KCNN2: variants seen among roughly 807,000 people sequenced by gnomAD.
KCNN2 encodes potassium calcium-activated channel subfamily N member 2.
Under a neutral mutation model 55.5 loss-of-function variants are expected in KCNN2, and 24 were observed. The observed-to-expected ratio is 0.43, with a 90% CI of 0.31 to 0.61. The LOEUF is 0.61. Among genes scored for constraint, KCNN2 ranks in the 20% least tolerant of loss-of-function variants. KCNN2 has a pLI of 0.08. For missense variants in KCNN2, 754 were observed against 853.6 expected (o/e 0.88, Z 1.45); for synonymous variants, 431 against 336.1 (o/e 1.28, Z -3.09).
intron 2 of KCNN2, among the ~76,000 whole-genome samples, chr5:114,337,821 G>C (rs1756947450): frequency 6.6e-6 from 1 of 152,104 alleles, no homozygotes; most frequent in African/African-American, 2.4e-5. Context: ...AACTAGTTTT[G>C]TCTTTCTGGG....
intron 1 of KCNN2, among the ~76,000 whole-genome samples, chr5:114,073,843 C>G (rs556134961): frequency 6.6e-6 from 1 of 152,328 alleles, no homozygotes; most frequent in South Asian, 2.1e-4. Context: ...TATTGAATAT[C>G]TACCTCAAGT....
chr5:114,241,139 A>G (rs1019586130), intron 2 of KCNN2, among the ~76,000 whole-genome samples: 2 of 152,000 alleles, frequency 1.3e-5, no homozygotes, highest in African/African-American at 4.8e-5. Flanking sequence ...GGAAGTTATG[A>G]AATATAACAA....
chr5:114,491,325 A>G (rs1747841374), intron 6 of KCNN2, among the ~76,000 whole-genome samples: 1 of 152,130 alleles, frequency 6.6e-6, no homozygotes, highest in Admixed American at 6.6e-5. Context: ...ACTTACTTAA[A>G]TTTGAACATG....
intron 1 of KCNN2, among the ~76,000 whole-genome samples, chr5:114,158,263 C>T (rs1286700486): frequency 6.6e-6 from 1 of 152,188 alleles, no homozygotes; most frequent in African/African-American, 2.4e-5. Flanking sequence ...AGTAGGGAAT[C>T]CTTCCCCATT....
chr5:114,325,829 C>G (rs1756704334), intron 2 of KCNN2, among the ~76,000 whole-genome samples: 1 of 152,184 alleles, frequency 6.6e-6, no homozygotes, highest in Non-Finnish European at 1.5e-5. Context: ...GTTCTGTGAA[C>G]TCAAGGGAGG....
chr5:114,353,757 A>T (rs1757252820), intron 2 of KCNN2, among the ~76,000 whole-genome samples: 1 of 151,938 alleles, frequency 6.6e-6, no homozygotes, highest in African/African-American at 2.4e-5. Context: ...CTTTGAATAT[A>T]CCATCCCACT....
chr5:114,407,597 G>T (rs987924233), intron 3 of KCNN2, among the ~76,000 whole-genome samples: 1 of 152,120 alleles, frequency 6.6e-6, no homozygotes, highest in African/African-American at 2.4e-5. Flanking sequence ...TTTGTCAGCT[G>T]CAGGCTTTAT....
At chr5:114,178,568 C>T (rs888812738) in intron 1 of KCNN2, among the ~76,000 whole-genome samples, 1 of 152,184 alleles carries the variant, frequency 6.6e-6, no homozygotes, top group African/African-American at 2.4e-5. Flanking sequence ...TGTTTATTTC[C>T]CTTGCAATAG....
Position 114,362,446 on chromosome 5 carries a change from ACCTCCTCGCCGCTGT to A in KCNN2, c.309_323del (p.Ser104_Ser108del). The A allele has an allele frequency of 2.7e-6, 1 of 374,666 alleles. No individual in the cohort carries two copies. Among genetic ancestry groups the A allele is most frequent in the Non-Finnish European group, 4.8e-6 (1 of 209,314 alleles). 23.2% of individuals were successfully genotyped at this position (374,666 alleles called of 1,614,324 possible). On this transcript the variant is annotated inframe_deletion, in exon 1 of 8. Coordinates refer to ENST00000673685, the MANE Select transcript of KCNN2 (RefSeq NM_021614.4). ...GCCCGGCGGCGCCTTCCGGACCCGC[ACCTCCTCGCCGCTGT>A]CGGGCTCGTCCTGCTGCTGCTGCTG...
At chr5:114,083,894 C>T (rs981535819) in intron 1 of KCNN2, among the ~76,000 whole-genome samples, 1 of 152,102 alleles carries the variant, frequency 6.6e-6, no homozygotes, top group African/African-American at 2.4e-5. Flanking sequence ...TTTACCATCT[C>T]TGTAGTACTG....
At chr5:114,449,317 G>A (rs1429412601) in intron 3 of KCNN2, among the ~76,000 whole-genome samples, 1 of 152,108 alleles carries the variant, frequency 6.6e-6, no homozygotes, top group African/African-American at 2.4e-5. Context: ...AGGGTAGAAG[G>A]GAGCAAAACC....
At chr5:114,162,998 C>A (rs1216328486) in intron 1 of KCNN2, among the ~76,000 whole-genome samples, 1 of 152,142 alleles carries the variant, frequency 6.6e-6, no homozygotes. Context: ...CGGTGCACTG[C>A]ACCCACTGTT....
intron 5 of KCNN2, among the ~76,000 whole-genome samples, chr5:114,477,627 T>G (rs970076974): frequency 2.0e-5 from 3 of 152,198 alleles, no homozygotes; most frequent in African/African-American, 7.2e-5. Flanking sequence ...TTACAGTTTA[T>G]CACCTTACAG....
intron 2 of KCNN2, among the ~76,000 whole-genome samples, chr5:114,355,117 C>A (rs1757274324): frequency 6.6e-6 from 1 of 152,106 alleles, no homozygotes; most frequent in Admixed American, 6.5e-5. Flanking sequence ...TCTCCTGGCA[C>A]TGAAACAATT....
intron 1 of KCNN2, among the ~76,000 whole-genome samples, chr5:114,102,511 C>A (rs1751393340): frequency 6.6e-6 from 1 of 152,174 alleles, no homozygotes; most frequent in African/African-American, 2.4e-5. Context: ...AGGCCTTGCC[C>A]ATTCCTATGT....
rs140545036 is a variant in KCNN2 at position 114,390,645 on chromosome 5, T to A, written c.1219-13793T>A. On this transcript the variant is annotated intron_variant, in intron 2 of 7. Coordinates refer to ENST00000673685, the MANE Select transcript of KCNN2 (RefSeq NM_021614.4). Reference sequence around the variant, plus strand: ...TTTCTGCAGTTACAGAGCTCATCAATTGTGGCATGTCGAAATCAACCCTAG... The same window carrying A: ...TTTCTGCAGTTACAGAGCTCATCAAATGTGGCATGTCGAAATCAACCCTAG... Among the ~76,000 whole-genome samples, 68 of 152,246 alleles carry A rather than the reference T, an allele frequency of 4.5e-4. 1 individual carries two copies. In the East Asian group the frequency reaches 0.013, roughly 28 times the overall value.
At chr5:114,189,133 AGT>A (rs34640722) in intron 1 of KCNN2, among the ~76,000 whole-genome samples, 5,126 of 149,944 alleles carry the variant, frequency 0.034, 272 homozygotes, top group African/African-American at 0.11. Flanking sequence ...TAGAACCAAT[AGT>A]GTGTGTGTGT....
chr5:114,170,951 A>G (rs774998013), intron 1 of KCNN2, among the ~76,000 whole-genome samples: 2 of 151,894 alleles, frequency 1.3e-5, no homozygotes, highest in Non-Finnish European at 2.9e-5. Context: ...CTTTTTTATC[A>G]TATAGGTACT....
At chr5:114,244,842 A>G (rs1360519234) in intron 2 of KCNN2, among the ~76,000 whole-genome samples, 3 of 152,138 alleles carry the variant, frequency 2.0e-5, no homozygotes, top group East Asian at 1.9e-4. Flanking sequence ...ACAAATACAA[A>G]TTCATTTTCT....
Sources: allele counts gnomAD v4.1 joint callset (sites outside exome capture counted in the v4.1 genomes callset), GRCh38; gene constraint gnomAD v4.1.1; transcripts MANE v1.5; gene names NCBI Gene and HGNC (gene_info 2026-07-23, HGNC 2026-07-21).